The following CDH8 variants were observed in gnomAD, a reference collection of about 807,000 sequenced individuals.
The protein encoded by CDH8 is cadherin 8, also known as cadherin-8.
CDH8 carries 17 observed loss-of-function variants against 68.1 expected under a neutral mutation model. That is an observed-to-expected ratio of 0.25 (90% CI 0.17 to 0.37). The LOEUF (loss-of-function observed/expected upper bound fraction) is 0.37, where lower values mean the gene tolerates loss of function less well. CDH8 is among the 10% of genes least tolerant of loss of function. The pLI, the probability that CDH8 is intolerant of heterozygous loss-of-function variation, is 1.00. For synonymous variants in CDH8, 372 were observed against 365.1 expected (o/e 1.02, Z -0.21); for missense variants, 763 against 999.3 (o/e 0.76, Z 3.19).
intron 3 of CDH8, among the ~76,000 whole-genome samples, chr16:61,880,633 A>G (rs1963557390): frequency 6.6e-6 from 1 of 152,034 alleles, no homozygotes; most frequent in Non-Finnish European, 1.5e-5. Context: ...TTATAAAATG[A>G]CTCAGATCCA....
At chr16:61,931,667 G>T (rs1964541671) in intron 2 of CDH8, among the ~76,000 whole-genome samples, 2 of 152,148 alleles carry the variant, frequency 1.3e-5, no homozygotes, top group Non-Finnish European at 2.9e-5. Context: ...GAAAGATTGT[G>T]AGGGATTTCT....
intron 8 of CDH8, among the ~76,000 whole-genome samples, chr16:61,778,461 T>A (rs1393734257): frequency 6.6e-6 from 1 of 151,956 alleles, no homozygotes. Context: ...CACCTAGAAG[T>A]AACACACAGG....
intron 3 of CDH8, among the ~76,000 whole-genome samples, chr16:61,875,958 C>G (rs1963450417): frequency 6.6e-6 from 1 of 152,130 alleles, no homozygotes; most frequent in African/African-American, 2.4e-5. Context: ...CTCACTGCAA[C>G]CTCTGCCTCC....
At chr16:61,882,963 T>C (rs1006253369) in intron 3 of CDH8, among the ~76,000 whole-genome samples, 26 of 152,278 alleles carry the variant, frequency 1.7e-4, no homozygotes, top group African/African-American at 6.0e-4. Context: ...TATTCTGCCA[T>C]GTAAATCTTA....
At chr16:61,689,888 T>C (rs1030280721) in intron 10 of CDH8, among the ~76,000 whole-genome samples, 1 of 152,052 alleles carries the variant, frequency 6.6e-6, no homozygotes, top group Admixed American at 6.6e-5. Flanking sequence ...TGCTCAAGGT[T>C]ACATCACTAA....
Position 61,653,697 on chromosome 16 carries a change from G to A in CDH8, c.2311C>T (p.Gln771Ter). The A allele has an allele frequency of 6.2e-7, 1 of 1,614,156 alleles. No homozygotes were observed. The highest frequency in any genetic ancestry group is 8.5e-7 in the Non-Finnish European group (1 of 1,180,020). ...SLESTTSDSD[Q>*]NFDYLSDWGP... is the part of the protein sequence containing the mutation. ...CAGTCACTGAGGTAGTCAAAATTCT[G>A]GTCTGAGTCTGATGTGGTGGACTCC... The change falls in exon 12 of 12, where the codon CAG (glutamine) becomes TAG (stop). Residue 771 changes from glutamine (Q) to a stop codon, truncating the protein, a stop_gained. Coordinates refer to ENST00000577390, the MANE Select transcript of CDH8 (RefSeq NM_001796.5). LOFTEE classifies it high-confidence loss of function.
intron 10 of CDH8, among the ~76,000 whole-genome samples, chr16:61,678,373 C>T (rs1466680067): frequency 2.0e-5 from 3 of 151,990 alleles, no homozygotes; most frequent in African/African-American, 7.2e-5. Flanking sequence ...TTTGACTCTT[C>T]ATCAACACTA....
At chr16:61,777,530 C>T (rs1960931599) in intron 8 of CDH8, among the ~76,000 whole-genome samples, 1 of 152,148 alleles carries the variant, frequency 6.6e-6, no homozygotes, top group Admixed American at 6.6e-5. Context: ...ATCACACTGA[C>T]ATCCTAAAGG....
At chr16:62,010,101 A>G (rs1186538664) in intron 2 of CDH8, among the ~76,000 whole-genome samples, 1 of 152,222 alleles carries the variant, frequency 6.6e-6, no homozygotes, top group African/African-American at 2.4e-5. Flanking sequence ...CAGCACAGGC[A>G]TAATCTTCAA....
intron 2 of CDH8, among the ~76,000 whole-genome samples, chr16:61,992,868 A>G (rs908227276): frequency 6.6e-6 from 1 of 152,126 alleles, no homozygotes; most frequent in Non-Finnish European, 1.5e-5. Flanking sequence ...GGCCCACTGC[A>G]TCCTTGACCT....
At chr16:61,764,304 C>T (rs147333811) in intron 8 of CDH8, among the ~76,000 whole-genome samples, 6 of 152,034 alleles carry the variant, frequency 3.9e-5, no homozygotes, top group Non-Finnish European at 7.4e-5. Context: ...GAAGGGGAAT[C>T]GAAAATGAAT....
In CDH8 at chr16:61,648,030, A is replaced by C. The variant is rs1022926022; in HGVS notation, c.*5578T>G. 4 of 577,148 alleles carry C rather than the reference A, an allele frequency of 6.9e-6. No individual in the cohort carries two copies. In the African/African-American group the frequency reaches 7.6e-5, roughly 11 times the overall value. 35.8% of individuals were successfully genotyped at this position (577,148 alleles called of 1,614,324 possible). A position where few individuals can be genotyped will look rare whatever the true frequency, so the allele number is the denominator to read the frequency against. On this transcript the variant is annotated 3_prime_UTR_variant, in exon 12 of 12. Coordinates refer to ENST00000577390, the MANE Select transcript of CDH8 (RefSeq NM_001796.5). ...ACCCAAAGGCACTATTTTCACCAGC[A>C]AATGCCTACTAACCTTGAGACCTAG...
At chr16:61,959,528 C>A (rs1368420566) in intron 2 of CDH8, among the ~76,000 whole-genome samples, 1 of 123,454 alleles carries the variant, frequency 8.1e-6, no homozygotes, top group Non-Finnish European at 1.7e-5. Flanking sequence ...TCCTCCCTCT[C>A]TCTCTCTCTC....
At chr16:61,690,753 A>G (rs1472958746) in intron 10 of CDH8, among the ~76,000 whole-genome samples, 1 of 152,074 alleles carries the variant, frequency 6.6e-6, no homozygotes, top group Non-Finnish European at 1.5e-5. Context: ...ATGCAGGGAT[A>G]TGATGAATAT....
intron 2 of CDH8, among the ~76,000 whole-genome samples, chr16:61,945,808 G>A (rs1964793201): frequency 6.6e-6 from 1 of 152,182 alleles, no homozygotes; most frequent in African/African-American, 2.4e-5. Context: ...TGTTTACAGG[G>A]AACTAGGCTT....
At chr16:61,682,418 T>C (rs111610878) in intron 10 of CDH8, among the ~76,000 whole-genome samples, 239 of 152,138 alleles carry the variant, frequency 1.6e-3, no homozygotes, top group African/African-American at 5.2e-3. Flanking sequence ...TTCTTACTTT[T>C]AAATACCCAT....
chr16:61,880,219 C>T (rs927435280), intron 3 of CDH8, among the ~76,000 whole-genome samples: 6 of 152,074 alleles, frequency 3.9e-5, no homozygotes, highest in Non-Finnish European at 7.4e-5. Context: ...CCACCGTGCC[C>T]GGCCATATAA....
rs369301660 is a variant in CDH8, at chr16:61,893,367, T to G, written c.547+7812A>C. 5.3e-5 allele frequency among the ~76,000 whole-genome samples: 8 copies of G among 152,158 alleles called. No homozygotes were observed. The South Asian group carries it at 6.2e-4, about 12-fold the overall frequency. On this transcript the variant is annotated intron_variant, in intron 3 of 11. Coordinates refer to ENST00000577390, the MANE Select transcript of CDH8 (RefSeq NM_001796.5). ...CTAAGGTTCTGAATGGATATCAAGT[T>G]TTGGGGAACGCTATCCAACCCAGTA...
intron 3 of CDH8, among the ~76,000 whole-genome samples, chr16:61,899,929 T>C (rs1258851833): frequency 6.6e-6 from 1 of 151,948 alleles, no homozygotes; most frequent in Non-Finnish European, 1.5e-5. Flanking sequence ...TAAGGCATTC[T>C]GTACTATACC....
Sources: gnomAD v4.1 joint callset for allele counts (sites outside exome capture counted in the v4.1 genomes callset) on GRCh38, gnomAD v4.1.1 for gene constraint, MANE v1.5 for transcripts, NCBI Gene and HGNC (gene_info 2026-07-23, HGNC 2026-07-21) for gene names.